Variants in BRWD1 observed in about 807,000 individuals in gnomAD.
BRWD1 encodes bromodomain and WD repeat-containing protein 1.
A neutral mutation model predicts 251.2 loss-of-function variants in BRWD1; 82 were observed. The observed-to-expected ratio is 0.33, with a 90% CI of 0.27 to 0.39. The LOEUF (loss-of-function observed/expected upper bound fraction) is 0.39. Among genes scored for constraint, BRWD1 ranks in the 10% least tolerant of loss-of-function variants. The pLI is 1.00. For synonymous variants in BRWD1, 918 were observed against 902.8 expected, an observed-to-expected ratio of 1.02 and a Z score of -0.30; for missense variants, 2,233 against 2,711.6, an observed-to-expected ratio of 0.82 and a Z score of 3.92.
intron 21 of BRWD1, 53 bp downstream of exon 21, chr21:39,247,648 T>C: frequency 6.5e-7 from 1 of 1,534,848 alleles, no homozygotes; most frequent in Non-Finnish European, 8.8e-7. Context: ...AGTAAAGAAT[T>C]AAGCCAAATT....
At chr21:39,278,454 A>G (rs2035346688) in intron 10 of BRWD1, 3 of 328,066 alleles carry the variant, frequency 9.1e-6, no homozygotes, top group Non-Finnish European at 1.6e-5. Flanking sequence ...TCACAAATTT[A>G]GATTATCATA....
intron 27 of BRWD1, among the ~76,000 whole-genome samples, chr21:39,227,156 C>CA (rs2033417295): frequency 6.6e-6 from 1 of 151,404 alleles, no homozygotes; most frequent in Non-Finnish European, 1.5e-5. Flanking sequence ...ACCTTGTGTC[C>CA]AAAAAAAGAA....
At chr21:39,239,484 A>G (rs867719160) in intron 21 of BRWD1, among the ~76,000 whole-genome samples, 1 of 152,206 alleles carries the variant, frequency 6.6e-6, no homozygotes, top group African/African-American at 2.4e-5. Context: ...TCGTTTGAAT[A>G]TATTTGTGTC....
chr21:39,192,526 C>G lies in BRWD1; in HGVS notation c.*3733G>C. 1 of 984,126 alleles carries G rather than the reference C, an allele frequency of 1.0e-6. No individual in the cohort carries two copies. Among genetic ancestry groups the G allele is most frequent in the Non-Finnish European group, 1.2e-6 (1 of 828,844 alleles). 61.0% of individuals were successfully genotyped at this position (984,126 alleles called of 1,614,324 possible). A position where few individuals can be genotyped will look rare whatever the true frequency, so the allele number is the denominator to read the frequency against. Reference sequence around the variant, plus strand: ...TAACAGGTGAAAAGTTCTACAATGACTTGTTGCACTCTATCACATTAAAAT... The same window carrying G: ...TAACAGGTGAAAAGTTCTACAATGAGTTGTTGCACTCTATCACATTAAAAT... On this transcript the variant is annotated 3_prime_UTR_variant, in exon 41 of 41. Coordinates refer to ENST00000342449, the MANE Select transcript of BRWD1 (RefSeq NM_033656.4).
rs1245839034 is a variant in BRWD1, at chr21:39,186,179, TTATC to T, written c.*10076_*10079del. 6.6e-6 allele frequency: 1 copy of T among 152,200 alleles called. No individual in the cohort carries two copies. The highest frequency in any genetic ancestry group is 2.4e-5 in the African/African-American group (1 of 41,466). 9.4% of individuals were successfully genotyped at this position (152,200 alleles called of 1,614,324 possible). Reference sequence around the variant, plus strand: ...TGATCTTAAGCTATACATTTTATTTTTATCTAACTGATTAAGACCTGCCTCTTAA... The same window carrying T: ...TGATCTTAAGCTATACATTTTATTTTTAACTGATTAAGACCTGCCTCTTAA... On this transcript the variant is annotated 3_prime_UTR_variant, in exon 41 of 41. Coordinates refer to ENST00000342449, the MANE Select transcript of BRWD1 (RefSeq NM_033656.4).
chr21:39,280,373 G>A, intron 8 of BRWD1, 125 bp from the exon 9 acceptor site: 1 of 683,910 alleles, frequency 1.5e-6, no homozygotes, highest in Non-Finnish European at 2.5e-6. Flanking sequence ...CAAAATATAG[G>A]TAATACTACC....
chr21:39,238,556 C>T lies in BRWD1; in HGVS notation c.2499G>A (p.Gln833=). ...SSVRHETSCD[Q]SEGSGSSEED... is the part of the protein sequence containing the mutation. ...CTTCTGAAGAACCAGAACCTTCACT[C>T]TGATCACAGGAAGTCTCCTAATTTG... Residue 833 remains glutamine (Q), a synonymous_variant, in exon 22 of 41, where the codon CAG becomes CAA. Coordinates refer to ENST00000342449, the MANE Select transcript of BRWD1 (RefSeq NM_033656.4). 1 of 1,613,494 alleles carries T rather than the reference C, an allele frequency of 6.2e-7. No individual in the cohort carries two copies. The highest frequency in any genetic ancestry group is 8.5e-7 in the Non-Finnish European group (1 of 1,179,588).
At chr21:39,305,902 C>T (rs555649035) in intron 4 of BRWD1, among the ~76,000 whole-genome samples, 168 of 150,292 alleles carry the variant, frequency 1.1e-3, no homozygotes, top group African/African-American at 3.7e-3. Context: ...GGTGTGGCTG[C>T]GCCCTCCTGT....
In BRWD1 at chr21:39,191,511, T is replaced by G. The variant is rs1238889895; in HGVS notation, c.*4748A>C. 1 of 978,862 alleles carries G rather than the reference T, an allele frequency of 1.0e-6. No individual in the cohort carries two copies. Among genetic ancestry groups the G allele is most frequent in the Non-Finnish European group, 1.2e-6 (1 of 824,116 alleles). The allele number at this position is 978,862 out of a possible 1,614,324, so 60.6% of individuals were successfully genotyped here. On this transcript the variant is annotated 3_prime_UTR_variant, in exon 41 of 41. Coordinates refer to ENST00000342449, the MANE Select transcript of BRWD1 (RefSeq NM_033656.4). ...AAATGAATAGATTAATTTAGAACAT[T>G]AACGATCTTATGTGAAGTGGAAAAC...
chr21:39,209,194 A>C (rs1194455461), intron 36 of BRWD1, among the ~76,000 whole-genome samples: 2 of 152,086 alleles, frequency 1.3e-5, no homozygotes, highest in Non-Finnish European at 2.9e-5. Flanking sequence ...AGATAACATA[A>C]AGAAATAACT....
At chr21:39,211,716 A>G (rs1266263626) in intron 34 of BRWD1, among the ~76,000 whole-genome samples, 2 of 152,196 alleles carry the variant, frequency 1.3e-5, no homozygotes, top group Non-Finnish European at 2.9e-5. Flanking sequence ...TACAAATACT[A>G]AACACTTGGG....
chr21:39,298,699 G>T, intron 4 of BRWD1, 117 bp from the exon 5 acceptor site: 1 of 797,586 alleles, frequency 1.3e-6, no homozygotes. Flanking sequence ...AAAACATGCT[G>T]AGAGAAATTA....
chr21:39,233,410 C>T (rs1263211029), intron 23 of BRWD1, among the ~76,000 whole-genome samples: 4 of 152,114 alleles, frequency 2.6e-5, no homozygotes, highest in Non-Finnish European at 5.9e-5. Context: ...AAAGACTTAA[C>T]ATCTTTAAAC....
chr21:39,229,557 A>G (rs2033525487), intron 25 of BRWD1, 121 bp from the exon 26 acceptor site: 1 of 866,378 alleles, frequency 1.2e-6, no homozygotes, highest in Non-Finnish European at 1.8e-6. Flanking sequence ...AGACAAGTTT[A>G]ATTAATACCA....
upstream of BRWD1, chr21:39,314,281 C>G (rs1431366579): frequency 2.2e-6 from 1 of 455,946 alleles, no homozygotes; most frequent in East Asian, 7.0e-5. Context: ...TGAAGGCTGC[C>G]GAGACCCAGC....
At chr21:39,202,617 T>C in intron 37 of BRWD1, 72 bp from the exon 38 acceptor site, 1 of 969,802 alleles carries the variant, frequency 1.0e-6, no homozygotes, top group Non-Finnish European at 1.5e-6. Flanking sequence ...AGAGAATGAC[T>C]AAATAGAAGT....
intron 31 of BRWD1, chr21:39,216,564 G>C (rs2146509816): frequency 4.8e-6 from 1 of 207,184 alleles, no homozygotes; most frequent in Middle Eastern, 2.2e-3. Flanking sequence ...TCAAGGATAG[G>C]TTGAACAACT....
In BRWD1 at chr21:39,188,840, G is replaced by A. The variant is rs2031391548; in HGVS notation, c.*7419C>T. The A allele has an allele frequency of 1.0e-6, 1 of 985,292 alleles. No homozygotes were observed. The highest frequency in any genetic ancestry group is 6.2e-5 in the Admixed American group (1 of 16,260). 61.0% of individuals were successfully genotyped at this position (985,292 alleles called of 1,614,324 possible). On this transcript the variant is annotated 3_prime_UTR_variant, in exon 41 of 41. Transcript: ENST00000342449. ...TATGTGATTCACATGTTTTTCCAGT[G>A]AAATTCTAAGGGCACTATGTTTTGT... is the stretch of plus-strand genomic sequence containing the variant.
upstream of BRWD1, chr21:39,314,301 C>T (rs1027730968): frequency 1.2e-4 from 53 of 455,898 alleles, no homozygotes; most frequent in Non-Finnish European, 2.2e-4. Flanking sequence ...CCACATCCCC[C>T]ACAAGCCAGC....
Sources: allele counts gnomAD v4.1 joint callset (sites outside exome capture counted in the v4.1 genomes callset), GRCh38; gene constraint gnomAD v4.1.1; transcripts MANE v1.5; gene names NCBI Gene and HGNC (gene_info 2026-07-23, HGNC 2026-07-21).